RBMS3: variants seen among roughly 807,000 people sequenced by gnomAD.
The protein encoded by RBMS3 is RNA binding motif single stranded interacting protein 3, also known as RNA-binding motif, single-stranded-interacting protein 3.
In RBMS3, 27 loss-of-function variants were observed where a neutral mutation model predicts 66.8. The ratio of observed to expected loss-of-function variants is 0.40; its 90% confidence interval spans 0.30 to 0.56. The LOEUF (loss-of-function observed/expected upper bound fraction) is 0.56. Ranked by LOEUF, RBMS3 falls within the 20% of genes least tolerant of loss-of-function variation. RBMS3 has a pLI of 0.40. For missense variants in RBMS3, 513 were observed against 549.5 expected (o/e 0.93, Z 0.66); for synonymous variants, 188 against 183.0 (o/e 1.03, Z -0.22).
chr3:29,913,212 A>T (rs1016330468), intron 10 of RBMS3, among the ~76,000 whole-genome samples: 4 of 152,024 alleles, frequency 2.6e-5, no homozygotes, highest in Non-Finnish European at 5.9e-5. Context: ...ATGAGAATTT[A>T]AAAGTATCTG....
intron 12 of RBMS3, among the ~76,000 whole-genome samples, chr3:29,945,028 G>A (rs932449244): frequency 6.6e-6 from 1 of 151,562 alleles, no homozygotes; most frequent in African/African-American, 2.4e-5. Context: ...TTGATTTATT[G>A]CAAAGAGAAA....
At chr3:29,740,223 C>G (rs924674673) in intron 5 of RBMS3, among the ~76,000 whole-genome samples, 2 of 152,000 alleles carry the variant, frequency 1.3e-5, no homozygotes, top group Non-Finnish European at 2.9e-5. Context: ...TACCCCAAAG[C>G]AAAAGAGCCC....
At chr3:29,828,977 A>ACTTTCTTTCTTTCTTTCTTTCTTTCTTT (rs368382303) in intron 6 of RBMS3, among the ~76,000 whole-genome samples, 7 of 98,704 alleles carry the variant, frequency 7.1e-5, no homozygotes, top group East Asian at 4.9e-4. Flanking sequence ...TTAGCGAGTG[A>ACTTTCTTTCTTTCTTTCTTTCTTTCTTT]CTTTCTTTCT....
intron 6 of RBMS3, among the ~76,000 whole-genome samples, chr3:29,800,725 A>G (rs2057362108): frequency 6.6e-6 from 1 of 152,168 alleles, no homozygotes; most frequent in Non-Finnish European, 1.5e-5. Context: ...TTGGAAAAGT[A>G]AAGTGTAAAA....
chr3:29,571,043 C>T (rs1465812874), intron 3 of RBMS3, among the ~76,000 whole-genome samples: 1 of 152,114 alleles, frequency 6.6e-6, no homozygotes, highest in Non-Finnish European at 1.5e-5. Flanking sequence ...GATGATATCT[C>T]ATCATAGTTT....
chr3:29,456,875 T>C (rs970642561), intron 2 of RBMS3, among the ~76,000 whole-genome samples: 3 of 152,120 alleles, frequency 2.0e-5, no homozygotes, highest in East Asian at 1.9e-4. Flanking sequence ...TAAAAGTATA[T>C]AACTAACTTT....
chr3:29,947,394 A>G (rs903401603), intron 12 of RBMS3, among the ~76,000 whole-genome samples: 1 of 151,714 alleles, frequency 6.6e-6, no homozygotes, highest in East Asian at 1.9e-4. Context: ...AGTCTGAGTT[A>G]CATATTTAAG....
rs1699746026 is a variant in RBMS3 at position 30,004,509 on chromosome 3, A to G, written c.*647A>G. On this transcript the variant is annotated 3_prime_UTR_variant, in exon 15 of 15. Coordinates refer to ENST00000383767, the MANE Select transcript of RBMS3 (RefSeq NM_001003793.3). ...TTCACTGGCACAGAAGTTTAAGACT[A>G]TGAGTTTTTAGGGTGAAGAAAAAAC... 6.6e-6 allele frequency: 1 copy of G among 152,228 alleles called. No homozygotes were observed. The highest frequency in any genetic ancestry group is 2.4e-5 in the African/African-American group (1 of 41,394). The allele number at this position is 152,228 out of a possible 1,614,324, so 9.4% of individuals were successfully genotyped here.
intron 3 of RBMS3, among the ~76,000 whole-genome samples, chr3:29,503,729 A>G (rs555649867): frequency 3.9e-5 from 6 of 152,256 alleles, no homozygotes; most frequent in African/African-American, 1.4e-4. Flanking sequence ...AGTAATTCTC[A>G]GGTAGACCAC....
In RBMS3 at chr3:29,897,484, A is replaced by C. The variant is rs1354823145; in HGVS notation, c.888+9A>C. The C allele has an allele frequency of 2.5e-6, 4 of 1,599,432 alleles. No homozygotes were observed. Among genetic ancestry groups the C allele is most frequent in the Non-Finnish European group, 3.4e-6 (4 of 1,167,416 alleles). On this transcript the variant is annotated intron_variant, in intron 9 of 14. Transcript: ENST00000383767. ...CTGTCTCCACATACCAGGTATGTCC[A>C]ATTTACCTGCACCTTAGGAGATATC...
intron 6 of RBMS3, among the ~76,000 whole-genome samples, chr3:29,835,258 G>T (rs1017305922): frequency 6.6e-6 from 1 of 151,870 alleles, no homozygotes; most frequent in Non-Finnish European, 1.5e-5. Flanking sequence ...GAAAACATTG[G>T]ACTTTAACTA....
intron 1 of RBMS3, among the ~76,000 whole-genome samples, chr3:29,400,594 T>C (rs1441971755): frequency 6.6e-6 from 1 of 151,640 alleles, no homozygotes; most frequent in Non-Finnish European, 1.5e-5. Context: ...TCTACCACAA[T>C]AAAAAACAAA....
chr3:29,958,231 G>A (rs955803631), intron 12 of RBMS3, among the ~76,000 whole-genome samples: 7 of 152,070 alleles, frequency 4.6e-5, no homozygotes, highest in African/African-American at 1.4e-4. Flanking sequence ...GAAATATAAT[G>A]TTTTCTAAAT....
intron 3 of RBMS3, among the ~76,000 whole-genome samples, chr3:29,528,836 C>T (rs1308226966): frequency 1.3e-5 from 2 of 152,126 alleles, no homozygotes; most frequent in African/African-American, 2.4e-5. Context: ...CAGGTTCAAG[C>T]GATTCTCCTG....
In RBMS3 at chr3:29,553,722, G is replaced by T. The variant is rs575261050; in HGVS notation, c.308-33392G>T. 2.0e-5 allele frequency among the ~76,000 whole-genome samples: 3 copies of T among 150,864 alleles called. No individual in the cohort carries two copies. The South Asian group carries it at 6.3e-4, about 31-fold the overall frequency. On this transcript the variant is annotated intron_variant, in intron 3 of 14. Coordinates refer to ENST00000383767, the MANE Select transcript of RBMS3 (RefSeq NM_001003793.3). ...TATTTGCATTCATTATGAATGTCTCGATTTGTTTTGTAATAGATCTCCCAG... is the reference window on the plus strand; with the variant it reads ...TATTTGCATTCATTATGAATGTCTCTATTTGTTTTGTAATAGATCTCCCAG...
At chr3:29,719,900 A>G (rs1261554310) in intron 4 of RBMS3, among the ~76,000 whole-genome samples, 2 of 151,684 alleles carry the variant, frequency 1.3e-5, no homozygotes, top group African/African-American at 4.8e-5. Flanking sequence ...ACTCGGCTCC[A>G]TTTATTGGCC....
intron 7 of RBMS3, among the ~76,000 whole-genome samples, chr3:29,879,438 T>C (rs2059686780): frequency 6.6e-6 from 1 of 152,130 alleles, no homozygotes; most frequent in South Asian, 2.1e-4. Context: ...CTGCAAGAAA[T>C]AAACACTTTA....
chr3:29,462,619 A>G (rs924200407), intron 2 of RBMS3, among the ~76,000 whole-genome samples: 1 of 152,206 alleles, frequency 6.6e-6, no homozygotes, highest in Non-Finnish European at 1.5e-5. Context: ...AGACCTTAGA[A>G]TGGATATAAT....
chr3:29,866,703 G>C (rs187188680), intron 6 of RBMS3, among the ~76,000 whole-genome samples: 12 of 152,240 alleles, frequency 7.9e-5, no homozygotes, highest in African/African-American at 2.9e-4. Flanking sequence ...TTTTCATCTG[G>C]AATCAGAATT....
Sources: allele counts gnomAD v4.1 joint callset (sites outside exome capture counted in the v4.1 genomes callset), GRCh38; gene constraint gnomAD v4.1.1; transcripts MANE v1.5; gene names NCBI Gene and HGNC (gene_info 2026-07-23, HGNC 2026-07-21).